Variants in LIPC observed in about 807,000 individuals in gnomAD.
The protein encoded by LIPC is lipase C, hepatic type, also known as hepatic triacylglycerol lipase.
In LIPC, 44 loss-of-function variants were observed where a neutral mutation model predicts 50.7. That is an observed-to-expected ratio of 0.87 (90% confidence interval 0.68 to 1.11). The LOEUF is 1.11. Among genes scored for constraint, LIPC ranks in the 50% most tolerant of loss-of-function variants. LIPC has a pLI of 0.00. For missense variants in LIPC, 697 were observed against 648.2 expected, an observed-to-expected ratio of 1.08 and a Z score of -0.82; for synonymous variants, 271 against 256.4, an observed-to-expected ratio of 1.06 and a Z score of -0.54.
At chr15:58,468,246 C>T (rs1208223991) in intron 1 of LIPC, among the ~76,000 whole-genome samples, 1 of 152,180 alleles carries the variant, frequency 6.6e-6, no homozygotes, top group Non-Finnish European at 1.5e-5. Context: ...ACGGCCACCT[C>T]CCAGACCCTT....
intron 1 of LIPC, among the ~76,000 whole-genome samples, chr15:58,478,510 G>C: frequency 6.6e-6 from 1 of 152,108 alleles, no homozygotes; most frequent in Non-Finnish European, 1.5e-5. Context: ...AAAGTGCTAG[G>C]ATTATAAGCA....
At chr15:58,441,260 T>C (rs1323429740) in intron 1 of LIPC, among the ~76,000 whole-genome samples, 1 of 152,182 alleles carries the variant, frequency 6.6e-6, no homozygotes, top group East Asian at 1.9e-4. Context: ...TGCTTAACAC[T>C]AAATCATGGG....
At chr15:58,490,803 G>C (rs1211976574) in intron 1 of LIPC, among the ~76,000 whole-genome samples, 2 of 152,158 alleles carry the variant, frequency 1.3e-5, no homozygotes, top group Non-Finnish European at 2.9e-5. Context: ...GTCGCTTCCG[G>C]CTCTGATGAA....
intron 1 of LIPC, chr15:58,498,538 T>A (rs1014411265): frequency 2.0e-5 from 3 of 152,090 alleles, no homozygotes; most frequent in Non-Finnish European, 4.4e-5. Flanking sequence ...GTGCAGTATA[T>A]CCCTGGTGCT....
chr15:58,458,391 A>G (rs1278345139), intron 1 of LIPC, among the ~76,000 whole-genome samples: 1 of 152,198 alleles, frequency 6.6e-6, no homozygotes, highest in African/African-American at 2.4e-5. Context: ...CAATTAAAGC[A>G]CAGCCCAGGC....
chr15:58,468,565 G>T (rs1894661290), intron 1 of LIPC, among the ~76,000 whole-genome samples: 1 of 152,178 alleles, frequency 6.6e-6, no homozygotes, highest in Non-Finnish European at 1.5e-5. Flanking sequence ...AAATCTCAAT[G>T]TGATTCCTAA....
chr15:58,560,769 C>G (rs1314425073), intron 6 of LIPC, 95 bp from the exon 7 acceptor site: 13 of 699,812 alleles, frequency 1.9e-5, no homozygotes, highest in Admixed American at 4.3e-5. Flanking sequence ...AAACTCTTCC[C>G]TCTGCATGTT....
At chr15:58,452,979 T>C (rs1490518562) in intron 1 of LIPC, among the ~76,000 whole-genome samples, 1 of 152,190 alleles carries the variant, frequency 6.6e-6, no homozygotes, top group Non-Finnish European at 1.5e-5. Context: ...CCCAGCCCAT[T>C]TGTCACTAAG....
At chr15:58,508,725 T>G (rs35138158) in intron 1 of LIPC, among the ~76,000 whole-genome samples, 29,246 of 97,314 alleles carry the variant, frequency 0.3, 3,877 homozygotes, top group African/African-American at 0.5. Flanking sequence ...TTAGTCCCAG[T>G]TTTTTTTTGG....
intron 8 of LIPC, chr15:58,565,745 A>G (rs1442971945): frequency 1.0e-6 from 1 of 993,814 alleles, no homozygotes; most frequent in Non-Finnish European, 1.2e-6. Flanking sequence ...TTCTCAGTCT[A>G]ATCTAGCAGA....
At chr15:58,449,434 A>C (rs896534936) in intron 1 of LIPC, among the ~76,000 whole-genome samples, 6 of 152,120 alleles carry the variant, frequency 3.9e-5, no homozygotes, top group Non-Finnish European at 1.5e-5. Context: ...ATATCAACAC[A>C]TGCTGGCCAT....
At position 58,439,518 on chromosome 15, in the gene LIPC, G is replaced by A. The variant is rs959944157; in HGVS notation, c.88+7398G>A. ...GAGTGCAGTGGCACAGTCTTGGCTC[G>A]CAGCAACCTCTGCCTCCCGGGTTCA... On this transcript the variant is annotated intron_variant, in intron 1 of 8. Coordinates refer to ENST00000299022, the MANE Select transcript of LIPC (RefSeq NM_000236.3). Among the ~76,000 whole-genome samples, 8 of 152,056 alleles carry A rather than the reference G, an allele frequency of 5.3e-5. No individual in the cohort carries two copies. In the South Asian group the frequency reaches 6.2e-4, roughly 12 times the overall value.
At chr15:58,497,170 G>T (rs1891802406) in intron 1 of LIPC, among the ~76,000 whole-genome samples, 1 of 152,206 alleles carries the variant, frequency 6.6e-6, no homozygotes, top group African/African-American at 2.4e-5. Context: ...AAGAAGGCTG[G>T]CCTGAGTGGT....
chr15:58,491,667 C>A (rs1891590868), intron 1 of LIPC, among the ~76,000 whole-genome samples: 1 of 152,202 alleles, frequency 6.6e-6, no homozygotes, highest in Non-Finnish European at 1.5e-5. Flanking sequence ...AACAACTTCA[C>A]AGTCGTACTT....
intron 7 of LIPC, among the ~76,000 whole-genome samples, chr15:58,562,883 G>C (rs1312567092): frequency 6.8e-6 from 1 of 147,808 alleles, no homozygotes; most frequent in Admixed American, 6.8e-5. Flanking sequence ...TCTCTCCCAG[G>C]GGATGGTTCT....
intron 1 of LIPC, among the ~76,000 whole-genome samples, chr15:58,503,665 C>G (rs1177052277): frequency 6.6e-6 from 1 of 152,220 alleles, no homozygotes; most frequent in Non-Finnish European, 1.5e-5. Flanking sequence ...GGCCGCACCA[C>G]CCAGCCCGGG....
At chr15:58,490,202 G>A (rs1353199471) in intron 1 of LIPC, among the ~76,000 whole-genome samples, 4 of 152,160 alleles carry the variant, frequency 2.6e-5, no homozygotes, top group Admixed American at 6.5e-5. Context: ...TTAAACATGC[G>A]TGGGGTCGGG....
intron 1 of LIPC, among the ~76,000 whole-genome samples, chr15:58,452,453 T>C (rs1893936577): frequency 6.6e-6 from 1 of 152,166 alleles, no homozygotes. Flanking sequence ...GTGAAACAGT[T>C]TTCTATTTCT....
chr15:58,462,289 G>A (rs1894382085), intron 1 of LIPC, among the ~76,000 whole-genome samples: 1 of 152,198 alleles, frequency 6.6e-6, no homozygotes, highest in Non-Finnish European at 1.5e-5. Context: ...AAATGTTGAT[G>A]ACTGAATTGA....
Sources: gnomAD v4.1 joint callset for allele counts (sites outside exome capture counted in the v4.1 genomes callset) on GRCh38, gnomAD v4.1.1 for gene constraint, MANE v1.5 for transcripts, NCBI Gene and HGNC (gene_info 2026-07-23, HGNC 2026-07-21) for gene names.